NRXN3: variants seen among roughly 807,000 people sequenced by gnomAD.
The protein encoded by NRXN3 is neurexin 3.
A neutral mutation model predicts 137.6 loss-of-function variants in NRXN3; 32 were observed. That is an observed-to-expected ratio of 0.23 (90% CI 0.18 to 0.31). The LOEUF (loss-of-function observed/expected upper bound fraction) is 0.31. Ranked by LOEUF, NRXN3 falls within the 10% of genes least tolerant of loss-of-function variation. NRXN3 has a pLI of 1.00. For synonymous variants in NRXN3, 798 were observed against 784.5 expected, an observed-to-expected ratio of 1.02 and a Z score of -0.29; for missense variants, 1,574 against 2,062.5, an observed-to-expected ratio of 0.76 and a Z score of 4.59.
chr14:79,118,890 T>A (rs1462031375), intron 15 of NRXN3, among the ~76,000 whole-genome samples: 2 of 152,190 alleles, frequency 1.3e-5, no homozygotes, highest in African/African-American at 4.8e-5. Flanking sequence ...TTTAAAAAAA[T>A]GCAGTGCTAA....
chr14:79,219,293 ATTAT>A (rs2069102259), intron 15 of NRXN3, among the ~76,000 whole-genome samples: 1 of 151,932 alleles, frequency 6.6e-6, no homozygotes, highest in Non-Finnish European at 1.5e-5. Context: ...AATTTTATTT[ATTAT>A]TTATTTATTT....
intron 8 of NRXN3, among the ~76,000 whole-genome samples, chr14:78,781,643 A>G (rs1266593508): frequency 6.6e-6 from 1 of 152,220 alleles, no homozygotes; most frequent in Non-Finnish European, 1.5e-5. Flanking sequence ...AAATGTCAAA[A>G]TTGTGAATGT....
intron 19 of NRXN3, among the ~76,000 whole-genome samples, chr14:79,725,020 C>G (rs1056916968): frequency 6.6e-6 from 1 of 152,080 alleles, no homozygotes; most frequent in East Asian, 1.9e-4. Flanking sequence ...AATGTGTGCA[C>G]AGAGGAGTGA....
chr14:79,502,338 C>A (rs2096833518), intron 16 of NRXN3, among the ~76,000 whole-genome samples: 2 of 152,266 alleles, frequency 1.3e-5, no homozygotes, highest in Non-Finnish European at 1.5e-5. Flanking sequence ...AGAGGGCAGA[C>A]CCTCCGAGTG....
intron 15 of NRXN3, among the ~76,000 whole-genome samples, chr14:79,262,833 G>GAT (rs2077840259): frequency 1.3e-5 from 2 of 152,162 alleles, no homozygotes; most frequent in Non-Finnish European, 2.9e-5. Flanking sequence ...CTCCTGGGTG[G>GAT]ATAGCAACAC....
At chr14:78,262,817 C>A (rs368300070) in intron 2 of NRXN3, among the ~76,000 whole-genome samples, 1 of 152,254 alleles carries the variant, frequency 6.6e-6, no homozygotes, top group East Asian at 1.9e-4. Context: ...TCTTGATGGG[C>A]CATTCTTCCT....
chr14:79,208,767 A>G (rs2067183528), intron 15 of NRXN3, among the ~76,000 whole-genome samples: 1 of 152,202 alleles, frequency 6.6e-6, no homozygotes, highest in Non-Finnish European at 1.5e-5. Context: ...TAGCTAAACT[A>G]TGTAAAAATG....
At position 79,365,743 on chromosome 14, in the gene NRXN3, AAG is replaced by A. The variant is rs1240898520; in HGVS notation, c.3263-101476_3263-101475del. ...TCTGTCTCAAAAAAAAAAAAAAAAA[AAG>A]AAAAAAAAGAAGAGTTTTATTAAAC... On this transcript the variant is annotated intron_variant, in intron 15 of 20. Coordinates refer to ENST00000335750, the MANE Select transcript of NRXN3 (RefSeq NM_001330195.2). Among the ~76,000 whole-genome samples the A allele has an allele frequency of 7.8e-4, 111 of 142,344 alleles. 13 individuals are homozygous for A. The highest frequency in any genetic ancestry group is 1.8e-3 in the African/African-American group (69 of 38,206). 93.4% of individuals were successfully genotyped at this position (142,344 alleles called of 152,430 possible). A position where few individuals can be genotyped will look rare whatever the true frequency, so the allele number is the denominator to read the frequency against.
intron 19 of NRXN3, among the ~76,000 whole-genome samples, chr14:79,728,059 G>A (rs915967431): frequency 4.6e-5 from 7 of 152,156 alleles, no homozygotes; most frequent in African/African-American, 1.7e-4. Flanking sequence ...AGCCAGGTGG[G>A]AGTGTCCCTT....
chr14:79,677,308 T>C (rs1025820006), intron 17 of NRXN3, among the ~76,000 whole-genome samples: 1 of 152,098 alleles, frequency 6.6e-6, no homozygotes, highest in Non-Finnish European at 1.5e-5. Context: ...AATATAGATA[T>C]ATATGTAAAA....
In NRXN3 at chr14:78,179,514, C is replaced by T. The variant is rs553096773; in HGVS notation, c.-704+8840C>T. On this transcript the variant is annotated intron_variant, in intron 1 of 20. Coordinates refer to ENST00000335750, the MANE Select transcript of NRXN3 (RefSeq NM_001330195.2). ...TAAATGGAGTGTGGCAAATGGGGAG[C>T]GGTTGAGAGGGGCCCCAAGCTGGAG... is the stretch of plus-strand genomic sequence containing the variant. 1.3e-4 allele frequency among the ~76,000 whole-genome samples: 20 copies of T among 152,150 alleles called. 1 individual carries two copies. The South Asian group carries it at 4.2e-3, about 32-fold the overall frequency.
chr14:79,829,377 C>T (rs1182956103), intron 20 of NRXN3, among the ~76,000 whole-genome samples: 1 of 152,218 alleles, frequency 6.6e-6, no homozygotes, highest in East Asian at 1.9e-4. Context: ...TGTATTCCTT[C>T]TATCAACTGA....
rs1045560085 is a variant in NRXN3 at position 79,180,223 on chromosome 14, G to A, written c.3262+192082G>A. On this transcript the variant is annotated intron_variant, in intron 15 of 20. Transcript: ENST00000335750. ...AATTACATGTAGCGCCAAGGTAGCC[G>A]TGACAATGTAGTCCAGTTGCCATAG... 3.0e-4 allele frequency among the ~76,000 whole-genome samples: 46 copies of A among 152,228 alleles called. 1 individual carries two copies. The highest frequency in any genetic ancestry group is 3.9e-4 in the East Asian group (2 of 5,176).
chr14:79,560,774 C>G (rs1313728678), intron 16 of NRXN3, among the ~76,000 whole-genome samples: 1 of 151,990 alleles, frequency 6.6e-6, no homozygotes, highest in Non-Finnish European at 1.5e-5. Context: ...CCCCTGACCT[C>G]AAGTGATCTG....
intron 4 of NRXN3, among the ~76,000 whole-genome samples, chr14:78,527,865 A>G (rs1276688490): frequency 6.6e-6 from 1 of 152,192 alleles, no homozygotes; most frequent in Non-Finnish European, 1.5e-5. Flanking sequence ...TTCTTCTTAA[A>G]AAGATTATCA....
intron 16 of NRXN3, among the ~76,000 whole-genome samples, chr14:79,597,603 G>A (rs562787684): frequency 1.0e-3 from 158 of 152,182 alleles, no homozygotes; most frequent in Non-Finnish European, 2.1e-3. Flanking sequence ...GTTACCATAC[G>A]CAAACTTTAT....
intron 16 of NRXN3, among the ~76,000 whole-genome samples, chr14:79,637,811 C>A (rs1487209191): frequency 1.4e-5 from 2 of 142,748 alleles, no homozygotes; most frequent in Non-Finnish European, 3.0e-5. Context: ...CTCACTGCAA[C>A]CTCCACCTCC....
intron 4 of NRXN3, among the ~76,000 whole-genome samples, chr14:78,574,909 A>G (rs1233578694): frequency 6.6e-6 from 1 of 152,164 alleles, no homozygotes; most frequent in Non-Finnish European, 1.5e-5. Flanking sequence ...ACAGAATGAT[A>G]TGGTTTGCCT....
intron 15 of NRXN3, among the ~76,000 whole-genome samples, chr14:79,369,905 C>T (rs1456630125): frequency 6.6e-6 from 1 of 152,176 alleles, no homozygotes; most frequent in East Asian, 1.9e-4. Context: ...TCACAGTCAG[C>T]TCATGGGTCA....
Sources: gnomAD v4.1 joint callset for allele counts (sites outside exome capture counted in the v4.1 genomes callset) on GRCh38, gnomAD v4.1.1 for gene constraint, MANE v1.5 for transcripts, NCBI Gene and HGNC (gene_info 2026-07-23, HGNC 2026-07-21) for gene names.